Variants in AKAP6 observed in about 807,000 individuals in gnomAD.
AKAP6 encodes A-kinase anchoring protein 6, also known as A-kinase anchor protein 6.
A neutral mutation model predicts 188.5 loss-of-function variants in AKAP6; 58 were observed. That is an observed-to-expected ratio of 0.31 (90% confidence interval 0.25 to 0.38). The LOEUF is 0.38. AKAP6 is among the 10% of genes least tolerant of loss of function. The pLI, the probability that AKAP6 is intolerant of heterozygous loss-of-function variation, is 1.00. For synonymous variants in AKAP6, 989 were observed against 998.6 expected (o/e 0.99, Z 0.18); for missense variants, 2,710 against 2,740.0 (o/e 0.99, Z 0.24).
chr14:32,800,597 C>T (rs895089633), intron 12 of AKAP6, among the ~76,000 whole-genome samples: 1 of 152,044 alleles, frequency 6.6e-6, no homozygotes, highest in Non-Finnish European at 1.5e-5. Flanking sequence ...CGATAATTTT[C>T]CTTGTTTTGA....
intron 2 of AKAP6, among the ~76,000 whole-genome samples, chr14:32,477,911 A>G (rs574703148): frequency 7.9e-5 from 12 of 151,092 alleles, no homozygotes; most frequent in African/African-American, 2.2e-4. Flanking sequence ...TGGAGGTGCA[A>G]TGAGCCTTAA....
At chr14:32,769,281 C>G (rs567538866) in intron 11 of AKAP6, among the ~76,000 whole-genome samples, 1 of 151,804 alleles carries the variant, frequency 6.6e-6, no homozygotes, top group South Asian at 2.1e-4. Context: ...CTCCTGACTT[C>G]AAGTGATCCG....
intron 12 of AKAP6, among the ~76,000 whole-genome samples, chr14:32,777,936 G>A (rs2033118056): frequency 6.6e-6 from 1 of 152,306 alleles, no homozygotes; most frequent in East Asian, 1.9e-4. Flanking sequence ...CTACTTGGGA[G>A]ACAGAGGCAG....
chr14:32,576,748 CCAACGAGT>C (rs1404182487), intron 4 of AKAP6, among the ~76,000 whole-genome samples: 4 of 152,262 alleles, frequency 2.6e-5, no homozygotes, highest in Non-Finnish European at 5.9e-5. Context: ...TCCCCCAAAG[CCAACGAGT>C]GTTCCTAGCA....
chr14:32,811,111 C>T lies in AKAP6; in HGVS notation c.3589-10291C>T, dbSNP rs375392557. Among the ~76,000 whole-genome samples the T allele has an allele frequency of 9.5e-3, 1,443 of 151,746 alleles. 18 individuals are homozygous for T. The highest frequency in any genetic ancestry group is 0.034 in the African/African-American group (1,390 of 41,350). ...AAAATTAGCCGGGCATGGTGGTGGG[C>T]GCCTGTTGTCCCAGCTACTGGGGAG... On this transcript the variant is annotated intron_variant, in intron 12 of 13. Coordinates refer to ENST00000280979, the MANE Select transcript of AKAP6 (RefSeq NM_004274.5).
At position 32,813,028 on chromosome 14, in the gene AKAP6, C is replaced by T. The variant is rs549288469; in HGVS notation, c.3589-8374C>T. On this transcript the variant is annotated intron_variant, in intron 12 of 13. Coordinates refer to ENST00000280979, the MANE Select transcript of AKAP6 (RefSeq NM_004274.5). ...TCTGGAGTTAGCATCAGATCCCATA[C>T]GGGAAAGGGCTCAGTCCCACAAGAC... Among the ~76,000 whole-genome samples the T allele has an allele frequency of 5.3e-5, 8 of 152,200 alleles. No individual in the cohort carries two copies. The South Asian group carries it at 6.2e-4, about 12-fold the overall frequency.
chr14:32,780,155 A>AC (rs140827829), intron 12 of AKAP6, among the ~76,000 whole-genome samples: 9,746 of 91,538 alleles, frequency 0.11, 910 homozygotes, highest in African/African-American at 0.28. Flanking sequence ...TGAAAAAAAA[A>AC]ACATATATAT....
intron 7 of AKAP6, among the ~76,000 whole-genome samples, chr14:32,653,953 A>G (rs1262417768): frequency 6.6e-6 from 1 of 151,978 alleles, no homozygotes; most frequent in Non-Finnish European, 1.5e-5. Context: ...ACCTATACAG[A>G]CTCATAGTAG....
At chr14:32,451,798 A>T (rs1342018543) in intron 2 of AKAP6, among the ~76,000 whole-genome samples, 1 of 152,090 alleles carries the variant, frequency 6.6e-6, no homozygotes, top group African/African-American at 2.4e-5. Context: ...TCTTAGTCAC[A>T]CTAGCCACCT....
intron 1 of AKAP6, among the ~76,000 whole-genome samples, chr14:32,374,056 G>A (rs1230137869): frequency 1.3e-5 from 2 of 152,194 alleles, no homozygotes; most frequent in African/African-American, 4.8e-5. Context: ...AAGTAAAAAG[G>A]CCCAGAGACA....
At chr14:32,343,744 C>G (rs1457176055) in intron 1 of AKAP6, among the ~76,000 whole-genome samples, 1 of 51,640 alleles carries the variant, frequency 1.9e-5, no homozygotes, top group African/African-American at 1.1e-4. Flanking sequence ...AAGATTCCGT[C>G]TCAAAAAAAA....
intron 2 of AKAP6, among the ~76,000 whole-genome samples, chr14:32,489,817 A>G (rs1879904895): frequency 1.3e-5 from 2 of 152,234 alleles, no homozygotes; most frequent in African/African-American, 4.8e-5. Context: ...TAGTCATGCC[A>G]CATATATTCT....
At chr14:32,826,452 T>C (rs562515864) in intron 13 of AKAP6, among the ~76,000 whole-genome samples, 173 of 152,208 alleles carry the variant, frequency 1.1e-3, no homozygotes, top group Non-Finnish European at 2.1e-3. Context: ...TTAGAACCGA[T>C]TGTACTGCTG....
At chr14:32,726,548 A>G (rs2030882952) in intron 9 of AKAP6, among the ~76,000 whole-genome samples, 1 of 152,260 alleles carries the variant, frequency 6.6e-6, no homozygotes, top group South Asian at 2.1e-4. Context: ...ACAGGCAAAC[A>G]TCTTGAAGAG....
intron 8 of AKAP6, among the ~76,000 whole-genome samples, chr14:32,690,039 T>G (rs1245255577): frequency 6.8e-6 from 1 of 146,614 alleles, no homozygotes; most frequent in Non-Finnish European, 1.5e-5. Flanking sequence ...GAATTAATAT[T>G]AAGCATACAA....
intron 12 of AKAP6, among the ~76,000 whole-genome samples, chr14:32,810,266 T>A (rs530438376): frequency 1.0e-3 from 153 of 148,788 alleles, no homozygotes; most frequent in African/African-American, 3.6e-3. Context: ...TTTTTTTTTT[T>A]AATTTACAAA....
chr14:32,506,866 CG>C (rs964963074), intron 2 of AKAP6, among the ~76,000 whole-genome samples: 10 of 152,160 alleles, frequency 6.6e-5, no homozygotes, highest in African/African-American at 2.4e-4. Context: ...AAAAAAATTG[CG>C]CATCTCTTTT....
At chr14:32,820,834 G>A (rs1483325600) in intron 12 of AKAP6, among the ~76,000 whole-genome samples, 2 of 151,950 alleles carry the variant, frequency 1.3e-5, no homozygotes, top group African/African-American at 4.8e-5. Context: ...CACAGAGGAA[G>A]GGGGGGTACA....
intron 2 of AKAP6, among the ~76,000 whole-genome samples, chr14:32,511,825 C>T (rs1881279863): frequency 6.6e-6 from 1 of 151,964 alleles, no homozygotes; most frequent in East Asian, 1.9e-4. Context: ...TTTCTCTTTC[C>T]TGTGTTTTAA....
Sources: allele counts gnomAD v4.1 joint callset (sites outside exome capture counted in the v4.1 genomes callset), GRCh38; gene constraint gnomAD v4.1.1; transcripts MANE v1.5; gene names NCBI Gene and HGNC (gene_info 2026-07-23, HGNC 2026-07-21).